The following CYP11B1 variants were observed in gnomAD, a reference collection of about 807,000 sequenced individuals.
CYP11B1 encodes the protein cytochrome P450 family 11 subfamily B member 1.
CYP11B1 carries 34 observed loss-of-function variants against 48.3 expected under a neutral mutation model. The ratio of observed to expected loss-of-function variants is 0.70; its 90% CI spans 0.54 to 0.94. CYP11B1 has a LOEUF of 0.94. Ranked by LOEUF, CYP11B1 falls within the 40% of genes least tolerant of loss-of-function variation. The pLI is 0.00. For missense variants in CYP11B1, 688 were observed against 657.4 expected, an observed-to-expected ratio of 1.05 and a Z score of -0.51; for synonymous variants, 291 against 262.5, an observed-to-expected ratio of 1.11 and a Z score of -1.05.
In CYP11B1 at chr8:142,873,846, C is replaced by T. The variant is rs3802229; in HGVS notation, c.*527G>A. ...CCTTTTTATTCTACCCTGCAGGACC[C>T]TATTCCAGGGTGACAACTTTCAGAG... is the stretch of plus-strand genomic sequence containing the variant. On this transcript the variant is annotated 3_prime_UTR_variant, in exon 9 of 9. Coordinates refer to ENST00000292427, the MANE Select transcript of CYP11B1 (RefSeq NM_000497.4). 2 of 197,840 alleles carry T rather than the reference C, an allele frequency of 1.0e-5. No homozygotes were observed. Among genetic ancestry groups the T allele is most frequent in the East Asian group, 2.2e-4 (2 of 8,996 alleles). The allele number at this position is 197,840 out of a possible 1,614,324, so 12.3% of individuals were successfully genotyped here.
At position 142,872,874 on chromosome 8, in the gene CYP11B1, G is replaced by A. The variant is rs1134095; in HGVS notation, c.*1499C>T. 0.61 allele frequency: 93,373 copies of A among 152,014 alleles called. 28,976 individuals are homozygous for A. Among genetic ancestry groups the A allele is most frequent in the East Asian group, 0.85 (4,373 of 5,164 alleles). The allele number at this position is 152,014 out of a possible 1,614,324, so 9.4% of individuals were successfully genotyped here. A position where few individuals can be genotyped will look rare whatever the true frequency, so the allele number is the denominator to read the frequency against. Reference sequence around the variant, plus strand: ...GAATGGAACTGGCGTCCTTATAAAAGAGGTCTCTGTGAGCTGTCTTGCCCT... The same window carrying A: ...GAATGGAACTGGCGTCCTTATAAAAAAGGTCTCTGTGAGCTGTCTTGCCCT... On this transcript the variant is annotated 3_prime_UTR_variant, in exon 9 of 9. Coordinates refer to ENST00000292427, the MANE Select transcript of CYP11B1 (RefSeq NM_000497.4).
At chr8:142,876,618 G>C in intron 4 of CYP11B1, 64 bp downstream of exon 4, 1 of 1,570,368 alleles carries the variant, frequency 6.4e-7, no homozygotes, top group Non-Finnish European at 8.6e-7. Context: ...GGGTGGTGGA[G>C]AGGGAGAAAT....
rs201137503 is a variant in CYP11B1, at chr8:142,879,052, G to C, written c.375C>G (p.His125Gln). Residue 125 changes from histidine (H) to glutamine (Q), a missense_variant, in exon 2 of 9, where the codon CAC (histidine) becomes CAG (glutamine). By Grantham distance (24) the His-to-Gln change is conservative (BLOSUM62 0). Transcript: ENST00000292427. ...CTTACAGCAAGAACACGCCACATTT[G>C]TGCCCACGATGTTGTCTGTAGGCCA... ...PWVAYRQHRG[H>Q]KCGVFLLNGP... The C allele has an allele frequency of 1.1e-4, 182 of 1,614,022 alleles. 1 individual carries two copies. The highest frequency in any genetic ancestry group is 1.7e-5 in the Non-Finnish European group (20 of 1,180,042).
rs1367767849 is a variant in CYP11B1 at position 142,879,196 on chromosome 8, C to T, written c.240-9G>A. On this transcript the variant is annotated splice_polypyrimidine_tract_variant and intron_variant, in intron 1 of 8. Coordinates refer to ENST00000292427, the MANE Select transcript of CYP11B1 (RefSeq NM_000497.4). ...CTCCTCCCAAGTCGTACCTGTGGGG[C>T]CAAGCACGAGGCCGTGCTGGATGGG... The T allele has an allele frequency of 6.2e-7, 1 of 1,613,978 alleles. No individual in the cohort carries two copies. Among genetic ancestry groups the T allele is most frequent in the African/African-American group, 1.3e-5 (1 of 75,036 alleles).
Position 142,875,223 on chromosome 8 carries a change from G to A in CYP11B1, c.1200+11C>T, listed in dbSNP as rs753651666. On this transcript the variant is annotated intron_variant, in intron 7 of 8. Coordinates refer to ENST00000292427, the MANE Select transcript of CYP11B1 (RefSeq NM_000497.4). ...GAGGTTCTCAGCTCGAGGGGTGTGG[G>A]GCTCACTCACCCCAGCTGGGATGTG... The A allele has an allele frequency of 8.1e-6, 13 of 1,613,990 alleles. No homozygotes were observed. The highest frequency in any genetic ancestry group is 6.7e-5 in the Admixed American group (4 of 60,006).
chr8:142,873,988 A>G lies in CYP11B1; in HGVS notation c.*385T>C. 3.0e-6 allele frequency: 1 copy of G among 333,344 alleles called. No homozygotes were observed. Among genetic ancestry groups the G allele is most frequent in the Non-Finnish European group, 5.9e-6 (1 of 170,574 alleles). The allele number at this position is 333,344 out of a possible 1,614,324, so 20.6% of individuals were successfully genotyped here. Reference sequence around the variant, plus strand: ...GACAGTCTGCGCAGGGGCCCTGGCCAGGGGAAGAGGAACAGGGACATGTGA... The same window carrying G: ...GACAGTCTGCGCAGGGGCCCTGGCCGGGGGAAGAGGAACAGGGACATGTGA... On this transcript the variant is annotated 3_prime_UTR_variant, in exon 9 of 9. Transcript: ENST00000292427.
chr8:142,878,268 T>A lies in CYP11B1; in HGVS notation c.395+764A>T, dbSNP rs561575622. On this transcript the variant is annotated intron_variant, in intron 2 of 8. Coordinates refer to ENST00000292427, the MANE Select transcript of CYP11B1 (RefSeq NM_000497.4). ...CCAGCCTCAGTGAAGGCCCCCACCC[T>A]TGAGTGCCCTTTTACCTAAACCCCA... Among the ~76,000 whole-genome samples the A allele has an allele frequency of 7.1e-3, 1,080 of 152,290 alleles. 15 individuals are homozygous for A. Among genetic ancestry groups the A allele is most frequent in the African/African-American group, 0.025 (1,048 of 41,552 alleles).
Position 142,879,175 on chromosome 8 carries a change from T to C in CYP11B1, c.252A>G (p.Gly84=). 1 of 1,613,842 alleles carries C rather than the reference T, an allele frequency of 6.2e-7. No homozygotes were observed. Among genetic ancestry groups the C allele is most frequent in the Non-Finnish European group, 8.5e-7 (1 of 1,179,840 alleles). Residue 84 remains glycine, a synonymous_variant, in exon 2 of 9, where the codon GGA becomes GGG. Transcript: ENST00000292427. ...GCATCACACACACCATGCCTGCTCC[T>C]CCCAAGTCGTACCTGTGGGGCCAAG... ...ELGPIFRYDL[G]GAGMVCVMLP...
intron 4 of CYP11B1, 86 bp downstream of exon 4, chr8:142,876,596 C>T: frequency 1.9e-6 from 3 of 1,558,274 alleles, no homozygotes; most frequent in Non-Finnish European, 8.7e-7. Flanking sequence ...CCTGTGGCCT[C>T]CATTCCCCAC....
In CYP11B1 at chr8:142,876,903, T is replaced by A; in HGVS notation, c.596-18A>T. The A allele has an allele frequency of 6.2e-7, 1 of 1,614,072 alleles. No homozygotes were observed. ...GTTGCTGGCTGCGGGGAGGATGCACTGCTGAGCACAAGGCAGCCCCGGGCC... is the reference window on the plus strand; with the variant it reads ...GTTGCTGGCTGCGGGGAGGATGCACAGCTGAGCACAAGGCAGCCCCGGGCC... On this transcript the variant is annotated intron_variant, in intron 3 of 8. Transcript: ENST00000292427.
chr8:142,875,212 G>A, intron 7 of CYP11B1, 22 bp downstream of exon 7: 1 of 1,614,134 alleles, frequency 6.2e-7, no homozygotes. Context: ...TTCTCAGCTC[G>A]AGGGGTGTGG....
rs1816825274 is a variant in CYP11B1 at position 142,872,426 on chromosome 8, TTTC to T, written c.*1944_*1946del. 6.6e-6 allele frequency: 1 copy of T among 152,248 alleles called. No homozygotes were observed. Among genetic ancestry groups the T allele is most frequent in the South Asian group, 2.1e-4 (1 of 4,830 alleles). The allele number at this position is 152,248 out of a possible 1,614,324, so 9.4% of individuals were successfully genotyped here. On this transcript the variant is annotated 3_prime_UTR_variant, in exon 9 of 9. Transcript: ENST00000292427. ...GGAGTTGCTTGAAACTTGTTACTCC[TTTC>T]TTCTTTCCTGTTTCTCCTTTCTGGA...
At position 142,874,406 on chromosome 8, in the gene CYP11B1, C is replaced by T. The variant is rs749247680; in HGVS notation, c.1479G>A (p.Met493Ile). The change falls in exon 9 of 9, where the codon ATG becomes ATA. Residue 493 changes from methionine (M) to isoleucine (I), a missense_variant. By Grantham distance (10) the Met-to-Ile change is conservative. Coordinates refer to ENST00000292427, the MANE Select transcript of CYP11B1 (RefSeq NM_000497.4). Reference sequence around the variant, plus strand: ...TGGCTCTGAAGGTGAGGAGGGGGAACATGCTGGGCCTCAATATGAAGCTGT... The same window carrying T: ...TGGCTCTGAAGGTGAGGAGGGGGAATATGCTGGGCCTCAATATGAAGCTGT... ...MVYSFILRPS[M>I]FPLLTFRAIN 76 of 1,613,964 alleles carry T rather than the reference C, an allele frequency of 4.7e-5. No individual in the cohort carries two copies. The highest frequency in any genetic ancestry group is 6.2e-5 in the Non-Finnish European group (73 of 1,179,876).
At chr8:142,878,378 A>G (rs1292210123) in intron 2 of CYP11B1, among the ~76,000 whole-genome samples, 1 of 152,026 alleles carries the variant, frequency 6.6e-6, no homozygotes, top group Non-Finnish European at 1.5e-5. Flanking sequence ...CCCCGTCCTA[A>G]TGACAACATT....
Position 142,878,139 on chromosome 8 carries a change from ACG to A in CYP11B1, c.395+891_395+892del, listed in dbSNP as rs751532151. The stretch of plus-strand genomic sequence containing the variant: ...CACACAGCATGTGCACAGATGCAAG[ACG>A]CACACACATACAGGTGCGCTCCCCT... On this transcript the variant is annotated intron_variant, in intron 2 of 8. Transcript: ENST00000292427. Among the ~76,000 whole-genome samples, 103 of 152,166 alleles carry A rather than the reference ACG, an allele frequency of 6.8e-4. 1 individual carries two copies. The highest frequency in any genetic ancestry group is 9.0e-4 in the Non-Finnish European group (61 of 68,024).
chr8:142,878,719 A>G (rs1163999704), intron 2 of CYP11B1, among the ~76,000 whole-genome samples: 2 of 152,184 alleles, frequency 1.3e-5, no homozygotes, highest in Non-Finnish European at 2.9e-5. Flanking sequence ...ACCTATGGGA[A>G]GGACAGTCCC....
chr8:142,875,769 G>A lies in CYP11B1; in HGVS notation c.1064C>T (p.Pro355Leu), dbSNP rs200197179. The change falls in exon 6 of 9, where the codon CCC becomes CTC. Residue 355 changes from proline (P) to leucine (L), a missense_variant. By Grantham distance (98) the Pro-to-Leu change is moderately conservative. Transcript: ENST00000292427. ...LAAAASISEH[P>L]QKATTELPLL... is the part of the protein sequence containing the mutation. The stretch of plus-strand genomic sequence containing the variant: ...GGGCAGCTCGGTGGTTGCCTTCTGG[G>A]GATGTTCACTGATGCTGGCTGCGGC... 2.3e-4 allele frequency: 367 copies of A among 1,613,676 alleles called. No individual in the cohort carries two copies. Among genetic ancestry groups the A allele is most frequent in the Non-Finnish European group, 3.0e-4 (349 of 1,179,940 alleles).
chr8:142,879,227 GT>G, intron 1 of CYP11B1, 40 bp from the exon 2 acceptor site: 1 of 1,613,350 alleles, frequency 6.2e-7, no homozygotes, highest in Non-Finnish European at 8.5e-7. Context: ...ATGGGACCAT[GT>G]CCCCGCTAGC....
chr8:142,877,965 T>C, intron 2 of CYP11B1: 1 of 699,876 alleles, frequency 1.4e-6, no homozygotes, highest in Non-Finnish European at 2.4e-6. Context: ...GAGACACATG[T>C]ACACATGTGC....
Sources: allele counts gnomAD v4.1 joint callset (sites outside exome capture counted in the v4.1 genomes callset), GRCh38; gene constraint gnomAD v4.1.1; transcripts MANE v1.5; gene names NCBI Gene and HGNC (gene_info 2026-07-23, HGNC 2026-07-21).